The following SND1 variants were observed in gnomAD, a reference collection of about 807,000 sequenced individuals.
The protein encoded by SND1 is staphylococcal nuclease and tudor domain containing 1.
Under a neutral mutation model 121.7 loss-of-function variants are expected in SND1, and 38 were observed. The observed-to-expected ratio is 0.31, with a 90% CI of 0.24 to 0.41. The LOEUF (loss-of-function observed/expected upper bound fraction) is 0.41, where lower values mean the gene tolerates loss of function less well. Among genes scored for constraint, SND1 ranks in the 10% least tolerant of loss-of-function variants. The pLI, the probability that SND1 is intolerant of heterozygous loss-of-function variation, is 1.00. For synonymous variants in SND1, 401 were observed against 447.4 expected, an observed-to-expected ratio of 0.90 and a Z score of 1.31; for missense variants, 868 against 1,184.6, an observed-to-expected ratio of 0.73 and a Z score of 3.92.
intron 11 of SND1, among the ~76,000 whole-genome samples, chr7:127,830,981 T>C (rs1373848539): frequency 6.6e-6 from 1 of 152,260 alleles, no homozygotes; most frequent in Admixed American, 6.5e-5. Flanking sequence ...CTTCATCAGA[T>C]GATCTGCTGC....
chr7:127,872,247 G>T (rs1032113436), intron 12 of SND1, among the ~76,000 whole-genome samples: 1 of 152,174 alleles, frequency 6.6e-6, no homozygotes, highest in South Asian at 2.1e-4. Context: ...TTTACATGAG[G>T]TGAAGCAGCT....
At chr7:128,019,986 C>G (rs2116961613) in intron 16 of SND1, among the ~76,000 whole-genome samples, 1 of 152,328 alleles carries the variant, frequency 6.6e-6, no homozygotes, top group Admixed American at 6.5e-5. Context: ...TCTGCATGAC[C>G]TTGAACAGAC....
chr7:128,032,718 C>CGG (rs1792664801), intron 16 of SND1, among the ~76,000 whole-genome samples: 1 of 151,940 alleles, frequency 6.6e-6, no homozygotes, highest in Non-Finnish European at 1.5e-5. Flanking sequence ...GGTGGGGACT[C>CGG]GGGGGACGGC....
chr7:127,984,121 T>C (rs779923338), intron 15 of SND1, among the ~76,000 whole-genome samples: 2 of 152,204 alleles, frequency 1.3e-5, no homozygotes, highest in Non-Finnish European at 2.9e-5. Context: ...TCTTTAAGTG[T>C]GCTCCAGTTT....
In SND1 at chr7:127,697,489, C is replaced by T. The variant is rs560364536; in HGVS notation, c.350-1386C>T. On this transcript the variant is annotated intron_variant, in intron 3 of 23. Transcript: ENST00000354725. The stretch of plus-strand genomic sequence containing the variant: ...CTTCGTTCTTTCCACCCCCAGATCT[C>T]CTGGCACTTCACTGCTCAATTTTCC... 2.6e-5 allele frequency among the ~76,000 whole-genome samples: 4 copies of T among 152,310 alleles called. No individual in the cohort carries two copies. The East Asian group carries it at 7.7e-4, about 29-fold the overall frequency.
intron 1 of SND1, among the ~76,000 whole-genome samples, chr7:127,666,948 A>T (rs1382776975): frequency 6.6e-6 from 1 of 152,190 alleles, no homozygotes; most frequent in East Asian, 1.9e-4. Flanking sequence ...AATGAGGAGA[A>T]TCCTAGGATG....
At chr7:127,677,744 T>G (rs1027801227) in intron 1 of SND1, among the ~76,000 whole-genome samples, 1 of 152,226 alleles carries the variant, frequency 6.6e-6, no homozygotes, top group Non-Finnish European at 1.5e-5. Flanking sequence ...TCATACTCTT[T>G]TGCATGTTAC....
intron 15 of SND1, among the ~76,000 whole-genome samples, chr7:127,939,227 A>G (rs1441501575): frequency 2.0e-5 from 3 of 152,218 alleles, no homozygotes; most frequent in Non-Finnish European, 2.9e-5. Context: ...TCTGAGGACC[A>G]TCCTTTTAGG....
intron 14 of SND1, among the ~76,000 whole-genome samples, chr7:127,918,497 C>T (rs1221226268): frequency 6.6e-6 from 1 of 152,108 alleles, no homozygotes; most frequent in African/African-American, 2.4e-5. Flanking sequence ...ACTACTAACT[C>T]TTCTATTCAC....
intron 16 of SND1, among the ~76,000 whole-genome samples, chr7:128,062,680 G>T (rs1278027135): frequency 6.6e-6 from 1 of 152,096 alleles, no homozygotes; most frequent in Non-Finnish European, 1.5e-5. Flanking sequence ...TGTCCCTTTT[G>T]CCAAGAAATC....
intron 10 of SND1, among the ~76,000 whole-genome samples, chr7:127,774,462 T>C (rs1797577286): frequency 6.6e-6 from 1 of 152,214 alleles, no homozygotes; most frequent in South Asian, 2.1e-4. Context: ...GTCTTAGGCC[T>C]TCACGTTCAC....
intron 13 of SND1, among the ~76,000 whole-genome samples, chr7:127,888,907 A>G (rs1250141071): frequency 6.6e-6 from 1 of 152,106 alleles, no homozygotes; most frequent in Admixed American, 6.6e-5. Context: ...GGCACATGTT[A>G]TCTAATCTCG....
intron 15 of SND1, among the ~76,000 whole-genome samples, chr7:127,938,549 C>T (rs1801114845): frequency 6.6e-6 from 1 of 152,164 alleles, no homozygotes; most frequent in Non-Finnish European, 1.5e-5. Flanking sequence ...AGAAGATCTG[C>T]TACATTTTCT....
intron 14 of SND1, among the ~76,000 whole-genome samples, chr7:127,907,382 G>A (rs990417951): frequency 9.2e-5 from 14 of 152,160 alleles, no homozygotes; most frequent in East Asian, 3.9e-4. Flanking sequence ...ATGGGCAGAC[G>A]GCTTACAGCC....
intron 14 of SND1, among the ~76,000 whole-genome samples, chr7:127,915,798 G>A (rs1026987044): frequency 3.3e-5 from 5 of 152,162 alleles, no homozygotes; most frequent in African/African-American, 1.2e-4. Flanking sequence ...ATAAAATGTT[G>A]TATACAAAGG....
chr7:127,707,488 T>A, intron 8 of SND1, 69 bp from the exon 9 acceptor site: 2 of 1,235,340 alleles, frequency 1.6e-6, no homozygotes, highest in Non-Finnish European at 2.4e-6. Flanking sequence ...GCACCAACTG[T>A]GCTCCCATGG....
intron 12 of SND1, among the ~76,000 whole-genome samples, chr7:127,876,983 A>T (rs1799703009): frequency 6.6e-6 from 1 of 152,116 alleles, no homozygotes; most frequent in Non-Finnish European, 1.5e-5. Flanking sequence ...ACATTGTTTT[A>T]TTACCGCTTA....
intron 16 of SND1, among the ~76,000 whole-genome samples, chr7:128,040,437 TAAAAAAAAAAAAAAA>T (rs67595921): frequency 4.6e-4 from 15 of 32,870 alleles, no homozygotes; most frequent in East Asian, 7.2e-4. Context: ...GTCCTATCTT[TAAAAAAAAAAAAAAA>T]AAAAAAAAAA....
At chr7:127,989,451 C>T (rs1340183629) in intron 15 of SND1, among the ~76,000 whole-genome samples, 1 of 152,118 alleles carries the variant, frequency 6.6e-6, no homozygotes, top group Non-Finnish European at 1.5e-5. Context: ...TGAATCAATG[C>T]CCTGGCCAGA....
Sources: allele counts gnomAD v4.1 joint callset (sites outside exome capture counted in the v4.1 genomes callset), GRCh38; gene constraint gnomAD v4.1.1; transcripts MANE v1.5; gene names NCBI Gene and HGNC (gene_info 2026-07-23, HGNC 2026-07-21).